KCNAB1: variants seen among roughly 807,000 people sequenced by gnomAD.
KCNAB1 encodes potassium voltage-gated channel subfamily A regulatory beta subunit 1.
KCNAB1 carries 35 observed loss-of-function variants against 64.6 expected under a neutral mutation model. The ratio of observed to expected loss-of-function variants is 0.54; its 90% CI spans 0.41 to 0.72. The LOEUF (loss-of-function observed/expected upper bound fraction) is 0.72. Among genes scored for constraint, KCNAB1 ranks in the 30% least tolerant of loss-of-function variants. The pLI is 0.00. For missense variants in KCNAB1, 401 were observed against 512.9 expected (o/e 0.78, Z 2.11); for synonymous variants, 177 against 183.8 (o/e 0.96, Z 0.30).
chr3:156,141,777 A>G (rs892237975), intron 1 of KCNAB1, among the ~76,000 whole-genome samples: 1 of 152,234 alleles, frequency 6.6e-6, no homozygotes, highest in South Asian at 2.1e-4. Context: ...TCTGGGATAA[A>G]TGCCCAACAG....
intron 1 of KCNAB1, among the ~76,000 whole-genome samples, chr3:156,296,158 G>A (rs1004124121): frequency 2.0e-5 from 3 of 152,190 alleles, no homozygotes; most frequent in African/African-American, 7.2e-5. Context: ...CATGATAGAT[G>A]TAGGTATATA....
chr3:156,358,296 A>G (rs564252182), intron 1 of KCNAB1, among the ~76,000 whole-genome samples: 45 of 152,322 alleles, frequency 3.0e-4, no homozygotes, highest in African/African-American at 1.1e-3. Context: ...ATCACCAACA[A>G]CAAAGCTAAG....
chr3:156,208,788 A>AT (rs1714830858), intron 1 of KCNAB1, among the ~76,000 whole-genome samples: 1 of 152,168 alleles, frequency 6.6e-6, no homozygotes, highest in Non-Finnish European at 1.5e-5. Context: ...CATTCTTACT[A>AT]TGTGGGCACA....
chr3:156,254,640 A>G (rs1333338484), intron 1 of KCNAB1, among the ~76,000 whole-genome samples: 1 of 152,220 alleles, frequency 6.6e-6, no homozygotes, highest in African/African-American at 2.4e-5. Flanking sequence ...TTTAGTTACA[A>G]AGGCTCACAG....
At chr3:156,299,511 T>G (rs1721016847) in intron 1 of KCNAB1, among the ~76,000 whole-genome samples, 1 of 139,158 alleles carries the variant, frequency 7.2e-6, no homozygotes, top group Non-Finnish European at 1.5e-5. Flanking sequence ...TAGGCATATA[T>G]GATTGAACAT....
chr3:156,205,220 G>A (rs777355247), intron 1 of KCNAB1, among the ~76,000 whole-genome samples: 18 of 151,968 alleles, frequency 1.2e-4, no homozygotes, highest in Non-Finnish European at 1.9e-4. Flanking sequence ...AGCTATATTG[G>A]TTCTATATCT....
At chr3:156,533,584 C>T (rs1718850520) in intron 13 of KCNAB1, among the ~76,000 whole-genome samples, 2 of 152,106 alleles carry the variant, frequency 1.3e-5, no homozygotes, top group South Asian at 2.1e-4. Flanking sequence ...AGAGGAGGGA[C>T]ATGCTCCTAT....
intron 1 of KCNAB1, among the ~76,000 whole-genome samples, chr3:156,298,815 C>T (rs536901598): frequency 6.6e-5 from 10 of 152,208 alleles, no homozygotes; most frequent in East Asian, 3.9e-4. Flanking sequence ...TAAGAAGATT[C>T]GATATTGCAA....
chr3:156,427,783 G>A (rs915567668), intron 2 of KCNAB1, among the ~76,000 whole-genome samples: 5 of 152,286 alleles, frequency 3.3e-5, no homozygotes, highest in South Asian at 4.1e-4. Flanking sequence ...ATACACAGGT[G>A]ATATGGGGTC....
chr3:156,401,944 GA>G (rs1440581706), intron 1 of KCNAB1, among the ~76,000 whole-genome samples: 1 of 151,334 alleles, frequency 6.6e-6, no homozygotes, highest in Non-Finnish European at 1.5e-5. Flanking sequence ...ACAAGAAAGA[GA>G]AAAGAAAAGA....
rs1385125393 is a variant in KCNAB1, at chr3:156,452,882, T to A, written c.320-17T>A. On this transcript the variant is annotated splice_polypyrimidine_tract_variant and intron_variant, in intron 2 of 13. Coordinates refer to ENST00000490337, the MANE Select transcript of KCNAB1 (RefSeq NM_172160.3). The surrounding 1 kb of genome is among the most constrained non-coding windows in gnomAD (Gnocchi z 4.6). ...AAAATGATGATGAATAATATGCAAA[T>A]ATTTATTATTTTCTAGGAACATGGG... is the stretch of plus-strand genomic sequence containing the variant. 1.3e-6 allele frequency: 2 copies of A among 1,565,546 alleles called. No individual in the cohort carries two copies. Among genetic ancestry groups the A allele is most frequent in the Non-Finnish European group, 1.7e-6 (2 of 1,145,604 alleles).
chr3:156,277,158 A>G (rs1412069942), intron 1 of KCNAB1, among the ~76,000 whole-genome samples: 13 of 152,322 alleles, frequency 8.5e-5, no homozygotes, highest in Admixed American at 7.8e-4. Flanking sequence ...ATGAGGGAAT[A>G]GCTGGTTGGT....
intron 1 of KCNAB1, among the ~76,000 whole-genome samples, chr3:156,209,925 G>A (rs765203181): frequency 2.6e-5 from 4 of 152,164 alleles, no homozygotes; most frequent in East Asian, 1.9e-4. Context: ...CTTGCATTCC[G>A]CATTAGACAT....
intron 1 of KCNAB1, among the ~76,000 whole-genome samples, chr3:156,207,207 G>A (rs143715544): frequency 3.0e-4 from 45 of 152,354 alleles, no homozygotes; most frequent in Non-Finnish European, 5.7e-4. Flanking sequence ...CCCAGCAGGT[G>A]GCAGGGTGGG....
At chr3:156,369,581 G>A (rs565397973) in intron 1 of KCNAB1, among the ~76,000 whole-genome samples, 25 of 152,200 alleles carry the variant, frequency 1.6e-4, no homozygotes, top group South Asian at 1.5e-3. Context: ...AAATAAGAAA[G>A]GAAAAAAGGA....
chr3:156,233,730 G>C (rs1423087202), intron 1 of KCNAB1, among the ~76,000 whole-genome samples: 2 of 151,982 alleles, frequency 1.3e-5, no homozygotes, highest in African/African-American at 4.8e-5. Context: ...GTGAGGAGTG[G>C]TCAGGCTCTG....
intron 1 of KCNAB1, among the ~76,000 whole-genome samples, chr3:156,255,278 A>G (rs1718038116): frequency 6.6e-6 from 1 of 152,160 alleles, no homozygotes; most frequent in African/African-American, 2.4e-5. Flanking sequence ...CATTAATATC[A>G]TTAGGTTGAA....
chr3:156,465,097 T>C (rs373438756), intron 6 of KCNAB1, among the ~76,000 whole-genome samples: 1 of 152,306 alleles, frequency 6.6e-6, no homozygotes, highest in East Asian at 1.9e-4. Flanking sequence ...GCTTGAGAAT[T>C]GGGAAGGCAA....
chr3:156,531,588 C>T, intron 13 of KCNAB1, 91 bp downstream of exon 13: 1 of 965,850 alleles, frequency 1.0e-6, no homozygotes, highest in African/African-American at 1.6e-5. Context: ...CCCTCTCTGT[C>T]CTGGGTGGGG....
Sources: allele counts gnomAD v4.1 joint callset (sites outside exome capture counted in the v4.1 genomes callset), GRCh38; gene constraint gnomAD v4.1.1; non-coding constraint Gnocchi (gnomAD v3.1); transcripts MANE v1.5; gene names NCBI Gene and HGNC (gene_info 2026-07-23, HGNC 2026-07-21).